The following MTCL1 variants were observed in gnomAD, a reference collection of about 807,000 sequenced individuals.
The protein encoded by MTCL1 is microtubule crosslinking factor 1.
A neutral mutation model predicts 141.4 loss-of-function variants in MTCL1; 79 were observed. The observed-to-expected ratio is 0.56, with a 90% CI of 0.47 to 0.67. The LOEUF (loss-of-function observed/expected upper bound fraction) is 0.67, where lower values mean the gene tolerates loss of function less well. Ranked by LOEUF, MTCL1 falls within the 30% of genes least tolerant of loss-of-function variation. The pLI, the probability that MTCL1 is intolerant of heterozygous loss-of-function variation, is 0.00. For synonymous variants in MTCL1, 914 were observed against 875.8 expected (o/e 1.04, Z -0.77); for missense variants, 2,177 against 2,113.9 (o/e 1.03, Z -0.59).
intron 4 of MTCL1, among the ~76,000 whole-genome samples, chr18:8,728,720 CTTTTTTTTTTTTTTTTTTTTT>C (rs34524200): frequency 1.7e-5 from 1 of 59,038 alleles, no homozygotes; most frequent in Non-Finnish European, 3.1e-5. Flanking sequence ...GTTGTCCATT[CTTTTTTTTTTTTTTTTTTTTT>C]TTTTTTTGAG....
chr18:8,710,837 C>CTTTTTTTTTTTTTTTTTATTTTGTTT (rs2096084998), intron 1 of MTCL1, among the ~76,000 whole-genome samples: 1 of 80,934 alleles, frequency 1.2e-5, no homozygotes. Context: ...GGAAGGCTTT[C>CTTTTTTTTTTTTTTTTTATTTTGTTT]TTTTTTTTTT....
At chr18:8,787,824 G>A (rs1375319023) in intron 7 of MTCL1, among the ~76,000 whole-genome samples, 1 of 152,086 alleles carries the variant, frequency 6.6e-6, no homozygotes, top group Non-Finnish European at 1.5e-5. Context: ...TTTTTAATAA[G>A]GCATGTTCTG....
At chr18:8,802,631 G>C (rs762366239) in intron 10 of MTCL1, among the ~76,000 whole-genome samples, 10 of 152,338 alleles carry the variant, frequency 6.6e-5, no homozygotes, top group Non-Finnish European at 1.3e-4. Context: ...ATAGCAGTCT[G>C]ATGGACCAAA....
intron 10 of MTCL1, chr18:8,802,401 G>C (rs932786052): frequency 3.3e-5 from 5 of 152,240 alleles, no homozygotes; most frequent in African/African-American, 1.2e-4. Context: ...TAGTGGCTGT[G>C]ATGCAAGCAA....
intron 4 of MTCL1, among the ~76,000 whole-genome samples, chr18:8,774,919 G>A (rs1218874834): frequency 1.3e-5 from 2 of 152,122 alleles, no homozygotes; most frequent in Non-Finnish European, 2.9e-5. Flanking sequence ...GAGGATGGCA[G>A]GACTCAGGGC....
At chr18:8,807,840 G>T (rs2076351824) in intron 11 of MTCL1, among the ~76,000 whole-genome samples, 2 of 152,252 alleles carry the variant, frequency 1.3e-5, no homozygotes, top group South Asian at 4.1e-4. Context: ...GGGAGGGAAG[G>T]TCTGTGTATC....
At chr18:8,786,747 T>C (rs2096557526) in intron 7 of MTCL1, 1 of 221,122 alleles carries the variant, frequency 4.5e-6, no homozygotes, top group African/African-American at 2.2e-5. Flanking sequence ...CGAGGAGCTG[T>C]TGAATGAGGA....
chr18:8,710,704 A>G (rs1335204427), intron 1 of MTCL1, among the ~76,000 whole-genome samples: 2 of 151,332 alleles, frequency 1.3e-5, no homozygotes, highest in Non-Finnish European at 2.9e-5. Context: ...CCCTCTTGCA[A>G]TCATGTTTGT....
chr18:8,817,230 A>T lies in MTCL1; in HGVS notation c.2860-1733A>T, dbSNP rs151017712. On this transcript the variant is annotated intron_variant, in intron 12 of 16. Coordinates refer to ENST00000359865, the Ensembl canonical transcript of MTCL1. ...ACTAAATTGTGCCGACATGCATTAA[A>T]TGAACATATAAAAAGCCTTCCCTTT... Among the ~76,000 whole-genome samples, 218 of 151,578 alleles carry T rather than the reference A, an allele frequency of 1.4e-3. 1 individual carries two copies. The highest frequency in any genetic ancestry group is 5.1e-3 in the African/African-American group (212 of 41,308).
chr18:8,735,605 A>G (rs2096271138), intron 4 of MTCL1, among the ~76,000 whole-genome samples: 1 of 151,930 alleles, frequency 6.6e-6, no homozygotes, highest in African/African-American at 2.4e-5. Flanking sequence ...GGGCAGGCTT[A>G]CTCTGTGCAT....
chr18:8,758,065 C>T (rs117309067), intron 4 of MTCL1, among the ~76,000 whole-genome samples: 2,236 of 150,192 alleles, frequency 0.015, 81 homozygotes, highest in East Asian at 0.099. Context: ...TCTTGTTGCC[C>T]GGGCTGGAGA....
chr18:8,820,045 C>T (rs1334954683), intron 13 of MTCL1, among the ~76,000 whole-genome samples: 1 of 152,176 alleles, frequency 6.6e-6, no homozygotes, highest in Non-Finnish European at 1.5e-5. Context: ...GTGAGCTAAG[C>T]TGTAGACATT....
intron 4 of MTCL1, among the ~76,000 whole-genome samples, chr18:8,732,702 G>A (rs2096256658): frequency 6.6e-6 from 1 of 152,190 alleles, no homozygotes; most frequent in Non-Finnish European, 1.5e-5. Context: ...TAATCAGGCA[G>A]CACTTGAATT....
chr18:8,784,758 C>G lies in MTCL1; in HGVS notation c.1646C>G (p.Ser549Cys), dbSNP rs1395841057. The change falls in exon 6 of 17, where the codon TCC becomes TGC. Residue 549 changes from serine (S) to cysteine (C), a missense_variant. Physicochemically the swap from Ser to Cys is moderately radical, Grantham distance 112. Transcript: ENST00000359865. The stretch of plus-strand genomic sequence containing the variant: ...TCCCCCTTGCCCCACCTCACAGAGT[C>G]CTCTAGCTTCCTCTCCACTGTGACT... 3 of 1,614,166 alleles carry G rather than the reference C, an allele frequency of 1.9e-6. No homozygotes were observed. In the East Asian group the frequency reaches 6.7e-5, roughly 36 times the overall value.
At chr18:8,739,049 G>A (rs1157749515) in intron 4 of MTCL1, among the ~76,000 whole-genome samples, 8 of 152,026 alleles carry the variant, frequency 5.3e-5, no homozygotes, top group Admixed American at 3.9e-4. Context: ...GACAAGCTTG[G>A]GCAACATAGC....
rs114538532 is a variant in MTCL1, at chr18:8,825,858, A to G, written c.4348A>G (p.Ile1450Val). ...TGGCCTCTCCAGCCTCTTCAACATC[A>G]TTGACCACAGCCCCGTGGTGCAGGA... Residue 1450 changes from isoleucine (I) to valine (V), a missense_variant, in exon 15 of 17, where the codon ATT becomes GTT. Coordinates refer to ENST00000359865, the Ensembl canonical transcript of MTCL1. 3.0e-3 allele frequency: 4,801 copies of G among 1,614,010 alleles called. 65 individuals are homozygous for G. Among genetic ancestry groups the G allele is most frequent in the Admixed American group, 0.019 (1,123 of 60,010 alleles).
intron 4 of MTCL1, among the ~76,000 whole-genome samples, chr18:8,726,893 ACC>A (rs1476154024): frequency 6.6e-6 from 1 of 152,134 alleles, no homozygotes; most frequent in African/African-American, 2.4e-5. Context: ...TGCACCCACC[ACC>A]CGAACGGTGA....
chr18:8,780,724 T>C (rs918033486), intron 5 of MTCL1, among the ~76,000 whole-genome samples: 2 of 152,244 alleles, frequency 1.3e-5, no homozygotes, highest in Admixed American at 1.3e-4. Flanking sequence ...GTCTATGTAT[T>C]TGGATTTCTT....
chr18:8,771,334 A>G (rs969683160), intron 4 of MTCL1, among the ~76,000 whole-genome samples: 2 of 152,134 alleles, frequency 1.3e-5, no homozygotes, highest in Non-Finnish European at 2.9e-5. Flanking sequence ...AAAAGGGAGA[A>G]GAAGACCTCT....
Sources: allele counts gnomAD v4.1 joint callset (sites outside exome capture counted in the v4.1 genomes callset), GRCh38; gene constraint gnomAD v4.1.1; transcripts MANE v1.5; gene names NCBI Gene and HGNC (gene_info 2026-07-23, HGNC 2026-07-21).